Variants in STK3 observed in about 807,000 individuals in gnomAD.
STK3 encodes serine/threonine-protein kinase 3.
Under a neutral mutation model 58.0 loss-of-function variants are expected in STK3, and 41 were observed. That is an observed-to-expected ratio of 0.71 (90% CI 0.55 to 0.92). The LOEUF (loss-of-function observed/expected upper bound fraction) is 0.92, where lower values mean the gene tolerates loss of function less well. Ranked by LOEUF, STK3 falls within the 40% of genes least tolerant of loss-of-function variation. STK3 has a pLI of 0.00. For synonymous variants in STK3, 170 were observed against 191.0 expected, an observed-to-expected ratio of 0.89 and a Z score of 0.91; for missense variants, 479 against 602.7, an observed-to-expected ratio of 0.79 and a Z score of 2.15.
rs137946097 is a variant in STK3 at position 98,648,315 on chromosome 8, C to T, written c.685-52146G>A. On this transcript the variant is annotated intron_variant, in intron 6 of 10. Coordinates refer to ENST00000419617, the MANE Select transcript of STK3 (RefSeq NM_006281.4). ...ACAGAACTCCATTCTTTTTAATGGC[C>T]GCATGTTACAAGGCCAAAATGTATC... is the stretch of plus-strand genomic sequence containing the variant. 6.8e-3 allele frequency among the ~76,000 whole-genome samples: 1,040 copies of T among 152,176 alleles called. 8 individuals are homozygous for T. The highest frequency in any genetic ancestry group is 0.024 in the African/African-American group (977 of 41,498).
chr8:98,892,021 G>C (rs1838219142), intron 1 of STK3, among the ~76,000 whole-genome samples: 1 of 152,126 alleles, frequency 6.6e-6, no homozygotes, highest in Admixed American at 6.6e-5. Flanking sequence ...AATATCTGGG[G>C]TAGGCAGCTG....
intron 9 of STK3, among the ~76,000 whole-genome samples, chr8:98,537,969 T>C (rs1204700876): frequency 6.6e-6 from 1 of 152,130 alleles, no homozygotes; most frequent in Non-Finnish European, 1.5e-5. Context: ...TTGCACATCT[T>C]CTAAACAAGT....
At chr8:98,362,107 C>A in the STK3 span, among the ~76,000 whole-genome samples, 86,965 of 151,884 alleles carry the variant, frequency 0.57, 25,198 homozygotes, top group Admixed American at 0.62. Context: ...GAAGGAAGGT[C>A]GGTTAACCAA....
intron 3 of STK3, among the ~76,000 whole-genome samples, chr8:98,846,454 A>G (rs1836201464): frequency 6.6e-6 from 1 of 152,196 alleles, no homozygotes. Flanking sequence ...TTAAGCAACT[A>G]CTATGTTCCA....
chr8:98,461,231 C>T (rs1436306118), intron 10 of STK3, among the ~76,000 whole-genome samples: 2 of 152,164 alleles, frequency 1.3e-5, no homozygotes, highest in South Asian at 2.1e-4. Context: ...TTTATCATTA[C>T]ATAATGTCAT....
At chr8:98,515,071 G>C (rs1037544434) in intron 10 of STK3, among the ~76,000 whole-genome samples, 15 of 152,000 alleles carry the variant, frequency 9.9e-5, no homozygotes, top group Non-Finnish European at 1.8e-4. Flanking sequence ...CTTGAATGTA[G>C]ACTCTCTTCT....
chr8:98,815,009 A>G (rs907735111), intron 1 of STK3, among the ~76,000 whole-genome samples: 6 of 152,196 alleles, frequency 3.9e-5, no homozygotes, highest in African/African-American at 1.4e-4. Flanking sequence ...CAGTGGTGTT[A>G]TTTGTCTTGG....
intron 1 of STK3, among the ~76,000 whole-genome samples, chr8:98,799,099 A>T (rs552807392): frequency 6.6e-6 from 1 of 152,346 alleles, no homozygotes; most frequent in Admixed American, 6.5e-5. Flanking sequence ...ATTTTGTTAC[A>T]GCAGCACAAA....
intron 3 of STK3, among the ~76,000 whole-genome samples, chr8:98,749,789 T>A (rs1341479811): frequency 6.6e-6 from 1 of 152,112 alleles, no homozygotes; most frequent in African/African-American, 2.4e-5. Flanking sequence ...TATATTTCCA[T>A]GAGGCCAAAA....
chr8:98,378,479 AC>A (rs1160267088), intron 2 of STK3, among the ~76,000 whole-genome samples: 10 of 152,194 alleles, frequency 6.6e-5, no homozygotes, highest in Admixed American at 5.9e-4. Context: ...TGTCTGTGTG[AC>A]TTGGGCAAAT....
At chr8:98,774,607 C>T (rs1171228034) in intron 2 of STK3, 132 bp downstream of exon 2, 3 of 571,436 alleles carry the variant, frequency 5.2e-6, no homozygotes, top group Non-Finnish European at 8.4e-6. Context: ...TTCAGTATCA[C>T]CTGCCAAGTT....
intron 1 of STK3, among the ~76,000 whole-genome samples, chr8:98,444,105 C>T (rs1694645426): frequency 6.6e-6 from 1 of 152,154 alleles, no homozygotes; most frequent in African/African-American, 2.4e-5. Flanking sequence ...CAGTCCTGGC[C>T]CTCAGGCAGC....
intron 6 of STK3, among the ~76,000 whole-genome samples, chr8:98,615,234 A>T (rs1349385257): frequency 1.3e-5 from 2 of 150,168 alleles, no homozygotes; most frequent in Non-Finnish European, 3.0e-5. Context: ...ATTCCAACAG[A>T]CCTGCAGCTG....
chr8:98,654,113 C>T (rs1305769661), intron 6 of STK3, among the ~76,000 whole-genome samples: 1 of 152,178 alleles, frequency 6.6e-6, no homozygotes, highest in Non-Finnish European at 1.5e-5. Context: ...CATCCAGCAG[C>T]ACATCAAAAA....
chr8:98,587,985 T>C (rs4735566), intron 7 of STK3, among the ~76,000 whole-genome samples: 11 of 151,854 alleles, frequency 7.2e-5, no homozygotes, highest in African/African-American at 2.7e-4. Flanking sequence ...TTTTAGCCTA[T>C]GTGTGTCTCT....
intron 3 of STK3, among the ~76,000 whole-genome samples, chr8:98,843,927 G>A (rs1008446167): frequency 5.9e-5 from 9 of 152,340 alleles, no homozygotes; most frequent in African/African-American, 2.2e-4. Flanking sequence ...TTGGGAGGCC[G>A]AGTGGGAGTA....
At chr8:98,564,124 CTT>C (rs1812278459) in intron 8 of STK3, among the ~76,000 whole-genome samples, 1 of 152,066 alleles carries the variant, frequency 6.6e-6, no homozygotes, top group South Asian at 2.1e-4. Flanking sequence ...TGTGATGAGA[CTT>C]ATATTTATCT....
chr8:98,762,561 A>G (rs371529679), intron 3 of STK3, among the ~76,000 whole-genome samples: 1 of 152,182 alleles, frequency 6.6e-6, no homozygotes, highest in South Asian at 2.1e-4. Flanking sequence ...GCCGAGACCC[A>G]TTCTTTGTTG....
intron 6 of STK3, among the ~76,000 whole-genome samples, chr8:98,677,596 CAGAGA>C (rs1823322405): frequency 6.6e-6 from 1 of 152,032 alleles, no homozygotes; most frequent in African/African-American, 2.4e-5. Flanking sequence ...GAGATGGAGA[CAGAGA>C]AGAGGACAAA....
Sources: gnomAD v4.1 joint callset for allele counts (sites outside exome capture counted in the v4.1 genomes callset) on GRCh38, gnomAD v4.1.1 for gene constraint, MANE v1.5 for transcripts, NCBI Gene and HGNC (gene_info 2026-07-23, HGNC 2026-07-21) for gene names.